TSC22D3: variants seen among roughly 807,000 people sequenced by gnomAD.
The protein encoded by TSC22D3 is TSC22 domain family protein 3.
In TSC22D3, 4 loss-of-function variants were observed where a neutral mutation model predicts 11.1. That is an observed-to-expected ratio of 0.36 (90% confidence interval 0.18 to 0.83). TSC22D3 has a LOEUF of 0.83. TSC22D3 is among the 40% of genes least tolerant of loss of function. The pLI is 0.48. For missense variants in TSC22D3, 118 were observed against 159.4 expected, an observed-to-expected ratio of 0.74 and a Z score of 1.40; for synonymous variants, 77 against 70.3, an observed-to-expected ratio of 1.10 and a Z score of -0.48.
intron 1 of TSC22D3, among the ~76,000 whole-genome samples, chrX:107,774,132 C>T (rs890197794): frequency 6.3e-5 from 7 of 111,646 alleles, no homozygotes; most frequent in Non-Finnish European, 1.3e-4. Context: ...AATAAATCCT[C>T]GCTTATACAC....
At chrX:107,756,129 C>T (rs1929164291) in intron 1 of TSC22D3, among the ~76,000 whole-genome samples, 1 of 111,851 alleles carries the variant, frequency 8.9e-6, no homozygotes, top group Non-Finnish European at 1.9e-5. Context: ...TCTTCTGGCC[C>T]CTCTTGTCAC....
Position 107,738,592 on chromosome X carries a change from G to A in TSC22D3, c.321-22642C>T, listed in dbSNP as rs191329089. Among the ~76,000 whole-genome samples, 337 of 113,208 alleles carry A rather than the reference G, an allele frequency of 3.0e-3. 1 individual carries two copies. Among genetic ancestry groups the A allele is most frequent in the African/African-American group, 0.01 (327 of 31,237 alleles). Reference sequence around the variant, plus strand: ...CCACACCCCACTAGTTTTCATGGGCGAGATGTTTCTATTCAACACCAGTTG... The same window carrying A: ...CCACACCCCACTAGTTTTCATGGGCAAGATGTTTCTATTCAACACCAGTTG... On this transcript the variant is annotated intron_variant, in intron 1 of 2. Transcript: ENST00000372383.
At position 107,742,328 on chromosome X, in the gene TSC22D3, C is replaced by T. The variant is rs757881895; in HGVS notation, c.321-26378G>A. Among the ~76,000 whole-genome samples, 67 of 62,055 alleles carry T rather than the reference C, an allele frequency of 1.1e-3. No homozygotes were observed. In the Middle Eastern group the frequency reaches 0.028, roughly 26 times the overall value. The allele number at this position is 62,055 out of a possible 115,157, so 53.9% of individuals were successfully genotyped here. A position where few individuals can be genotyped will look rare whatever the true frequency, so the allele number is the denominator to read the frequency against. On this transcript the variant is annotated intron_variant, in intron 1 of 2. Transcript: ENST00000372383. ...GAGAGAGAGAGAGAGAGTGTGTGTGCGCGCGCGCGCGGTGTTTAGGAAGGG... is the reference window on the plus strand; with the variant it reads ...GAGAGAGAGAGAGAGAGTGTGTGTGTGCGCGCGCGCGGTGTTTAGGAAGGG...
chrX:107,756,243 A>T (rs1377081198), intron 1 of TSC22D3, among the ~76,000 whole-genome samples: 1 of 112,122 alleles, frequency 8.9e-6, no homozygotes, highest in African/African-American at 3.3e-5. Flanking sequence ...GCCATATCTG[A>T]GTATTGTTGT....
Position 107,714,466 on chromosome X carries a change from A to G in TSC22D3, c.*53T>C, listed in dbSNP as rs1926899394. On this transcript the variant is annotated 3_prime_UTR_variant, in exon 3 of 3. Coordinates refer to ENST00000372383, the MANE Select transcript of TSC22D3 (RefSeq NM_198057.3). ...TTGGGGAGCCAAAAACAAACTGGAA[A>G]GAACTAGGTAAAACAAGTTTAGTGG... is the stretch of plus-strand genomic sequence containing the variant. 9.1e-7 allele frequency: 1 copy of G among 1,094,190 alleles called. No individual in the cohort carries two copies. Among genetic ancestry groups the G allele is most frequent in the Non-Finnish European group, 1.2e-6 (1 of 808,679 alleles). The allele number at this position is 1,094,190 out of a possible 1,213,427, so 90.2% of individuals were successfully genotyped here.
intron 1 of TSC22D3, among the ~76,000 whole-genome samples, chrX:107,727,841 C>T (rs189281342): frequency 8.9e-4 from 100 of 112,511 alleles, no homozygotes; most frequent in Non-Finnish European, 1.7e-3. Context: ...TTAAATTATT[C>T]TCCTGAAGGT....
chrX:107,722,165 G>A (rs1032324316), intron 1 of TSC22D3: 8 of 258,550 alleles, frequency 3.1e-5, no homozygotes, highest in Admixed American at 1.3e-4. Context: ...GGAAAATGGG[G>A]AGGAGAATGC....
chrX:107,734,746 A>AT (rs201161329), intron 1 of TSC22D3, among the ~76,000 whole-genome samples: 80 of 108,564 alleles, frequency 7.4e-4, no homozygotes, highest in East Asian at 5.7e-3. Flanking sequence ...AAATTGTCAC[A>AT]TTTTTTTTTA....
chrX:107,758,850 A>G (rs147388803), intron 1 of TSC22D3, among the ~76,000 whole-genome samples: 1,509 of 111,238 alleles, frequency 0.014, 33 homozygotes, highest in African/African-American at 0.047. Flanking sequence ...GATTCTTGTT[A>G]CTAATCCGTT....
intron 1 of TSC22D3, among the ~76,000 whole-genome samples, chrX:107,746,325 G>C (rs1410525015): frequency 9.0e-6 from 1 of 111,449 alleles, no homozygotes; most frequent in Non-Finnish European, 1.9e-5. Flanking sequence ...AGGGAAGAGG[G>C]GCCAAGACGG....
chrX:107,716,727 G>C, intron 1 of TSC22D3: 2 of 1,209,071 alleles, frequency 1.7e-6, no homozygotes, highest in Non-Finnish European at 2.2e-6. Context: ...TCCCCTCCAA[G>C]CAGAGAAGAG....
intron 1 of TSC22D3, among the ~76,000 whole-genome samples, chrX:107,759,021 C>T (rs1184223038): frequency 1.8e-5 from 2 of 111,605 alleles, no homozygotes; most frequent in Non-Finnish European, 3.8e-5. Flanking sequence ...GCTGGGATTA[C>T]AGGTACAGGC....
In TSC22D3 at chrX:107,714,115, C is replaced by G. The variant is rs1363464535; in HGVS notation, c.*404G>C. On this transcript the variant is annotated 3_prime_UTR_variant, in exon 3 of 3. Coordinates refer to ENST00000372383, the MANE Select transcript of TSC22D3 (RefSeq NM_198057.3). ...AACACAAGTGGCTTCTTCATAGGAA[C>G]AGTCGTTGTCAGGTGAAGCTGTTGA... The G allele has an allele frequency of 7.7e-6, 1 of 130,137 alleles. No homozygotes were observed. The highest frequency in any genetic ancestry group is 1.6e-5 in the Non-Finnish European group (1 of 64,371). 10.7% of individuals were successfully genotyped at this position (130,137 alleles called of 1,213,427 possible). A position where few individuals can be genotyped will look rare whatever the true frequency, so the allele number is the denominator to read the frequency against.
chrX:107,729,310 G>C (rs1278671969), intron 1 of TSC22D3, among the ~76,000 whole-genome samples: 1 of 111,635 alleles, frequency 9.0e-6, no homozygotes. Context: ...TGCTGGGGTT[G>C]ATGGATTCTC....
intron 1 of TSC22D3, among the ~76,000 whole-genome samples, chrX:107,725,033 G>A (rs1034277626): frequency 9.0e-5 from 10 of 111,389 alleles, no homozygotes; most frequent in South Asian, 7.6e-4. Context: ...ATCCCTCTCA[G>A]TCAGAGCTGT....
chrX:107,750,018 G>GATC (rs1455241101), intron 1 of TSC22D3, among the ~76,000 whole-genome samples: 22 of 111,823 alleles, frequency 2.0e-4, no homozygotes, highest in Admixed American at 6.6e-4. Flanking sequence ...GGGCATGGTG[G>GATC]CATGTGCCTG....
intron 1 of TSC22D3, among the ~76,000 whole-genome samples, chrX:107,752,606 G>A (rs765269876): frequency 6.2e-5 from 7 of 112,088 alleles, no homozygotes; most frequent in African/African-American, 1.3e-4. Flanking sequence ...GGACTTTCTC[G>A]TAGCCTGTCT....
intron 1 of TSC22D3, among the ~76,000 whole-genome samples, chrX:107,730,904 G>A (rs1927848437): frequency 9.0e-6 from 1 of 111,631 alleles, no homozygotes; most frequent in Non-Finnish European, 1.9e-5. Flanking sequence ...AGCTTCAGGG[G>A]TGCAGTAGGG....
rs752922464 is a variant in TSC22D3 at position 107,716,118 on chromosome X, C to T, written c.321-168G>A. The T allele has an allele frequency of 6.9e-5, 44 of 641,782 alleles. No homozygotes were observed. In the Admixed American group the frequency reaches 1.4e-3, roughly 21 times the overall value. 52.9% of individuals were successfully genotyped at this position (641,782 alleles called of 1,213,427 possible). On this transcript the variant is annotated intron_variant, in intron 1 of 2. Coordinates refer to ENST00000372383, the MANE Select transcript of TSC22D3 (RefSeq NM_198057.3). ...TTTGTCCCCAGATCCTTCCTTGGCC[C>T]CTGCAGGAAGCTGCATCTCCTCATC...
Sources: allele counts gnomAD v4.1 joint callset (sites outside exome capture counted in the v4.1 genomes callset), GRCh38; gene constraint gnomAD v4.1.1; transcripts MANE v1.5; gene names NCBI Gene and HGNC (gene_info 2026-07-23, HGNC 2026-07-21).